Variants in SSH2 observed in about 807,000 individuals in gnomAD.
SSH2 encodes the protein protein phosphatase Slingshot homolog 2.
Under a neutral mutation model 135.2 loss-of-function variants are expected in SSH2, and 37 were observed. That is an observed-to-expected ratio of 0.27 (90% CI 0.21 to 0.36). The LOEUF is 0.36. Ranked by LOEUF, SSH2 falls within the 10% of genes least tolerant of loss-of-function variation. SSH2 has a pLI of 1.00. For synonymous variants in SSH2, 628 were observed against 646.2 expected (o/e 0.97, Z 0.43); for missense variants, 1,408 against 1,765.3 (o/e 0.80, Z 3.63).
At chr17:29,645,423 A>G (rs1346563221) in intron 14 of SSH2, 1 of 152,190 alleles carries the variant, frequency 6.6e-6, no homozygotes, top group Non-Finnish European at 1.5e-5. Flanking sequence ...TTGGGTTTAT[A>G]CTGCCCTTCT....
At chr17:29,679,081 A>G (rs1456691781) in intron 6 of SSH2, among the ~76,000 whole-genome samples, 2 of 152,182 alleles carry the variant, frequency 1.3e-5, no homozygotes, top group South Asian at 2.1e-4. Context: ...AGGTTCGTAC[A>G]GAAAGCCATG....
intron 11 of SSH2, among the ~76,000 whole-genome samples, chr17:29,658,599 T>G (rs2036887915): frequency 6.6e-6 from 1 of 152,094 alleles, no homozygotes; most frequent in Non-Finnish European, 1.5e-5. Context: ...CTGGGTGCAG[T>G]GGCTCACGTC....
intron 4 of SSH2, among the ~76,000 whole-genome samples, chr17:29,696,174 TACAC>T (rs199942164): frequency 0.019 from 2,645 of 137,110 alleles, 44 homozygotes; most frequent in African/African-American, 0.048. Flanking sequence ...TGTATATATA[TACAC>T]ACACACACAC....
At chr17:29,923,097 C>T (rs913208185) in intron 1 of SSH2, among the ~76,000 whole-genome samples, 12 of 151,864 alleles carry the variant, frequency 7.9e-5, no homozygotes, top group Admixed American at 5.3e-4. Context: ...TTTTTAGTAG[C>T]GACAGGGTTT....
chr17:29,697,933 ACAACT>A (rs1426694645), intron 4 of SSH2, among the ~76,000 whole-genome samples: 1 of 152,260 alleles, frequency 6.6e-6, no homozygotes, highest in Non-Finnish European at 1.5e-5. Flanking sequence ...AAAAGTGGAA[ACAACT>A]CAAATGTCTA....
At chr17:29,708,605 A>C (rs546011329) in intron 3 of SSH2, among the ~76,000 whole-genome samples, 1,943 of 151,220 alleles carry the variant, frequency 0.013, 23 homozygotes, top group Middle Eastern at 0.037. Context: ...AAAAAAAAAA[A>C]AACAAACAAA....
chr17:29,671,698 A>G (rs2037500839), intron 9 of SSH2, among the ~76,000 whole-genome samples: 1 of 152,238 alleles, frequency 6.6e-6, no homozygotes, highest in African/African-American at 2.4e-5. Context: ...ATTTTATCGT[A>G]TTGAAGTTTT....
intron 2 of SSH2, among the ~76,000 whole-genome samples, chr17:29,845,654 G>A (rs2043119617): frequency 6.6e-6 from 1 of 152,124 alleles, no homozygotes; most frequent in South Asian, 2.1e-4. Context: ...AGGCTGGAGT[G>A]CAATGGCATA....
chr17:29,901,994 T>C (rs941306481), intron 1 of SSH2, among the ~76,000 whole-genome samples: 1 of 151,986 alleles, frequency 6.6e-6, no homozygotes, highest in African/African-American at 2.4e-5. Context: ...TATCTCTTGC[T>C]CAGGCTGGTC....
chr17:29,822,899 T>A (rs1799385017), intron 2 of SSH2, among the ~76,000 whole-genome samples: 1 of 152,194 alleles, frequency 6.6e-6, no homozygotes, highest in African/African-American at 2.4e-5. Flanking sequence ...TCAGTATTAG[T>A]GGTGAACTGA....
At chr17:29,811,213 G>A (rs1051770824) in intron 2 of SSH2, among the ~76,000 whole-genome samples, 3 of 151,976 alleles carry the variant, frequency 2.0e-5, no homozygotes, top group African/African-American at 7.3e-5. Flanking sequence ...CCAGGCTGGT[G>A]TTGAACTCCT....
intron 1 of SSH2, chr17:29,925,651 G>A: frequency 2.6e-6 from 1 of 390,268 alleles, no homozygotes; most frequent in Non-Finnish European, 4.5e-6. Flanking sequence ...TGAGGCTGCA[G>A]TGAGCTATGA....
chr17:29,679,495 C>A (rs535840138), intron 6 of SSH2, among the ~76,000 whole-genome samples: 2 of 152,112 alleles, frequency 1.3e-5, no homozygotes, highest in East Asian at 3.9e-4. Context: ...GCAACCTCCA[C>A]CTCCTGGTTC....
chr17:29,693,101 AC>A (rs1299623613), intron 5 of SSH2, among the ~76,000 whole-genome samples: 1 of 152,066 alleles, frequency 6.6e-6, no homozygotes, highest in Non-Finnish European at 1.5e-5. Context: ...CTGGCATGCC[AC>A]TATGCCCAGC....
intron 3 of SSH2, among the ~76,000 whole-genome samples, chr17:29,768,328 T>C (rs1302530967): frequency 6.6e-6 from 1 of 150,428 alleles, no homozygotes; most frequent in East Asian, 1.9e-4. Flanking sequence ...GGTCTCGCTC[T>C]GTCATCCAGA....
chr17:29,688,364 C>T (rs2038317717), intron 5 of SSH2, among the ~76,000 whole-genome samples: 1 of 152,152 alleles, frequency 6.6e-6, no homozygotes, highest in Non-Finnish European at 1.5e-5. Context: ...ATGTTTGGCT[C>T]TCCCTTGCTT....
chr17:29,722,132 G>A (rs1286063176), intron 3 of SSH2, among the ~76,000 whole-genome samples: 1 of 151,994 alleles, frequency 6.6e-6, no homozygotes, highest in East Asian at 1.9e-4. Flanking sequence ...AACATTAGCT[G>A]GGCATGGTGG....
At chr17:29,904,138 T>A (rs1455299992) in intron 1 of SSH2, among the ~76,000 whole-genome samples, 1 of 152,140 alleles carries the variant, frequency 6.6e-6, no homozygotes, top group African/African-American at 2.4e-5. Context: ...AGACTCCTCC[T>A]TAATTCATTC....
At chr17:29,812,612 C>T (rs527474747) in intron 2 of SSH2, among the ~76,000 whole-genome samples, 3 of 152,286 alleles carry the variant, frequency 2.0e-5, no homozygotes, top group African/African-American at 4.8e-5. Context: ...CCATGCCAGC[C>T]GGGCGCGATG....
Sources: gnomAD v4.1 joint callset for allele counts (sites outside exome capture counted in the v4.1 genomes callset) on GRCh38, gnomAD v4.1.1 for gene constraint, MANE v1.5 for transcripts, NCBI Gene and HGNC (gene_info 2026-07-23, HGNC 2026-07-21) for gene names.